Variants in TBXAS1 observed in about 807,000 individuals in gnomAD.
The protein encoded by TBXAS1 is thromboxane A synthase 1, also known as thromboxane-A synthase.
In TBXAS1, 48 loss-of-function variants were observed where a neutral mutation model predicts 60.7. The observed-to-expected ratio is 0.79, with a 90% CI of 0.63 to 1.01. TBXAS1 has a LOEUF of 1.01. TBXAS1 is among the 50% of genes least tolerant of loss of function. The pLI is 0.00. For synonymous variants in TBXAS1, 287 were observed against 269.7 expected (o/e 1.06, Z -0.63); for missense variants, 685 against 686.3 (o/e 1.00, Z 0.02).
chr7:139,989,914 C>T (rs149547950), intron 9 of TBXAS1, among the ~76,000 whole-genome samples: 5,763 of 152,306 alleles, frequency 0.038, 136 homozygotes, highest in Non-Finnish European at 0.053. Context: ...CATCTTTGCT[C>T]ATCATTGTCA....
At chr7:139,894,322 G>A (rs1159163911) in intron 3 of TBXAS1, among the ~76,000 whole-genome samples, 1 of 152,162 alleles carries the variant, frequency 6.6e-6, no homozygotes, top group East Asian at 1.9e-4. Context: ...TGTGGGAGAA[G>A]GGCAGGGCAT....
At chr7:139,921,737 T>C (rs368043777) in intron 4 of TBXAS1, among the ~76,000 whole-genome samples, 9 of 152,232 alleles carry the variant, frequency 5.9e-5, no homozygotes, top group Non-Finnish European at 1.0e-4. Context: ...AGCATTCCAA[T>C]GTATAGAAAC....
chr7:139,940,422 A>C (rs1808195860), intron 5 of TBXAS1, among the ~76,000 whole-genome samples: 1 of 152,200 alleles, frequency 6.6e-6, no homozygotes, highest in African/African-American at 2.4e-5. Context: ...TGTTAAAAAT[A>C]CATAATTTCA....
chr7:139,993,890 TTC>T lies in TBXAS1; in HGVS notation c.1135-13199_1135-13198del, dbSNP rs1264063773. On this transcript the variant is annotated intron_variant, in intron 9 of 12. Coordinates refer to ENST00000448866, the MANE Select transcript of TBXAS1 (RefSeq NM_001061.7). ...TGCTTTGCTTTTTCTTTTTCTTTCT[TTC>T]TTTTTTTTTTTTTTTTTTTTGAGAC... is the stretch of plus-strand genomic sequence containing the variant. 3.2e-3 allele frequency among the ~76,000 whole-genome samples: 451 copies of T among 141,890 alleles called. 4 individuals carry two copies. Among genetic ancestry groups the T allele is most frequent in the African/African-American group, 0.011 (417 of 36,868 alleles). 93.1% of individuals were successfully genotyped at this position (141,890 alleles called of 152,430 possible).
At chr7:139,987,536 G>A (rs926695041) in intron 9 of TBXAS1, among the ~76,000 whole-genome samples, 1 of 152,074 alleles carries the variant, frequency 6.6e-6, no homozygotes, top group Non-Finnish European at 1.5e-5. Context: ...ATTCTTGCAG[G>A]AGCACGCAGG....
In TBXAS1 at chr7:139,872,329, G is replaced by C; in HGVS notation, c.183+1G>C. 1.2e-6 allele frequency: 2 copies of C among 1,613,460 alleles called. No homozygotes were observed. The highest frequency in any genetic ancestry group is 8.5e-7 in the Non-Finnish European group (1 of 1,179,582). On this transcript the variant is annotated splice_donor_variant, in intron 2 of 12. Coordinates refer to ENST00000448866, the MANE Select transcript of TBXAS1 (RefSeq NM_001061.7). LOFTEE classifies it high-confidence loss of function. ...TGGAAACTTGACATTTTTCCGCCAG[G>C]TAAGGGCTGTCTTCCATTGGCTTCC...
intron 4 of TBXAS1, among the ~76,000 whole-genome samples, chr7:139,823,156 A>G (rs565257218): frequency 2.6e-5 from 4 of 151,124 alleles, no homozygotes; most frequent in South Asian, 2.1e-4. Context: ...TTAGATTCAA[A>G]CCTTTTGCCG....
At chr7:139,886,866 C>T (rs75040233) in intron 3 of TBXAS1, among the ~76,000 whole-genome samples, 4,210 of 152,290 alleles carry the variant, frequency 0.028, 98 homozygotes, top group Middle Eastern at 0.085. Context: ...TAGCTGCTTC[C>T]CCCAAAGGCT....
At chr7:139,951,950 A>AAAAGAAAG (rs776126423) in intron 5 of TBXAS1, among the ~76,000 whole-genome samples, 1,981 of 41,758 alleles carry the variant, frequency 0.047, 86 homozygotes, top group East Asian at 0.09. Flanking sequence ...GGAAAGAAAG[A>AAAAGAAAG]AAAGAAAGAA....
In TBXAS1 at chr7:140,019,936, G is replaced by C. The variant is rs1339277614; in HGVS notation, c.1528-89G>C. 3 of 1,278,024 alleles carry C rather than the reference G, an allele frequency of 2.3e-6. No homozygotes were observed. The East Asian group carries it at 7.0e-5, about 30-fold the overall frequency. The allele number at this position is 1,278,024 out of a possible 1,614,324, so 79.2% of individuals were successfully genotyped here. On this transcript the variant is annotated intron_variant, in intron 12 of 12. Transcript: ENST00000448866. Reference sequence around the variant, plus strand: ...TCTTCTTGTGTGACCTTGGACAACGGACTTGGCCTTCTTGAACCTCCAAGT... The same window carrying C: ...TCTTCTTGTGTGACCTTGGACAACGCACTTGGCCTTCTTGAACCTCCAAGT...
chr7:139,961,867 C>T (rs144970158), intron 8 of TBXAS1, 52 bp from the exon 9 acceptor site: 33 of 1,609,420 alleles, frequency 2.1e-5, no homozygotes, highest in Middle Eastern at 1.7e-4. Context: ...GGAAGCCTCA[C>T]TCTTCATGAC....
chr7:139,798,183 T>C (rs1797619689), intron 4 of TBXAS1, among the ~76,000 whole-genome samples: 1 of 151,644 alleles, frequency 6.6e-6, no homozygotes. Context: ...GGGGAGAAGA[T>C]GGATGAAGCA....
intron 3 of TBXAS1, among the ~76,000 whole-genome samples, chr7:139,881,710 C>G (rs1002307990): frequency 6.6e-6 from 1 of 152,038 alleles, no homozygotes; most frequent in African/African-American, 2.4e-5. Flanking sequence ...ATCTATCTCC[C>G]AGGGAACCTT....
intron 4 of TBXAS1, among the ~76,000 whole-genome samples, chr7:139,817,129 C>A (rs1282307968): frequency 6.6e-6 from 1 of 152,140 alleles, no homozygotes; most frequent in East Asian, 1.9e-4. Context: ...TCCATTTTCT[C>A]ACTAGTCTCA....
rs1799443046 is a variant in TBXAS1, at chr7:139,841,462, A to C, written c.89+11983A>C. Among the ~76,000 whole-genome samples the C allele has an allele frequency of 4.7e-5, 7 of 150,110 alleles. No individual in the cohort carries two copies. The South Asian group carries it at 1.5e-3, about 32-fold the overall frequency. ...ATTTTCAGTGCCTCCAAGCATCTAG[A>C]GAGGGATACATCTATTTCCCTTTTT... is the stretch of plus-strand genomic sequence containing the variant. On this transcript the variant is annotated intron_variant, in intron 1 of 12. Transcript: ENST00000448866.
At chr7:139,889,742 A>G (rs1803409804) in intron 3 of TBXAS1, among the ~76,000 whole-genome samples, 1 of 152,196 alleles carries the variant, frequency 6.6e-6, no homozygotes, top group Non-Finnish European at 1.5e-5. Context: ...CTCCTTTATA[A>G]GAGCACTAAT....
At chr7:139,946,216 C>A (rs542052690) in intron 5 of TBXAS1, among the ~76,000 whole-genome samples, 4 of 152,254 alleles carry the variant, frequency 2.6e-5, no homozygotes, top group Admixed American at 6.5e-5. Context: ...TGTCTGTAGT[C>A]CCAGATATTA....
intron 1 of TBXAS1, among the ~76,000 whole-genome samples, chr7:139,858,646 C>A (rs945134855): frequency 6.6e-6 from 1 of 152,168 alleles, no homozygotes; most frequent in African/African-American, 2.4e-5. Flanking sequence ...CCCCCAGCAC[C>A]ATGCTTGGTA....
At chr7:139,967,008 C>T (rs1397857844) in intron 9 of TBXAS1, among the ~76,000 whole-genome samples, 2 of 152,204 alleles carry the variant, frequency 1.3e-5, no homozygotes, top group East Asian at 1.9e-4. Context: ...AAGACGTATT[C>T]GGAGGGCTCC....
Sources: gnomAD v4.1 joint callset for allele counts (sites outside exome capture counted in the v4.1 genomes callset) on GRCh38, gnomAD v4.1.1 for gene constraint, MANE v1.5 for transcripts, NCBI Gene and HGNC (gene_info 2026-07-23, HGNC 2026-07-21) for gene names.